CCDC3: variants seen among roughly 807,000 people sequenced by gnomAD.
CCDC3 encodes the protein coiled-coil domain containing 3, also known as coiled-coil domain-containing protein 3.
Under a neutral mutation model 21.4 loss-of-function variants are expected in CCDC3, and 24 were observed. The ratio of observed to expected loss-of-function variants is 1.12; its 90% CI spans 0.81 to 1.58. The LOEUF (loss-of-function observed/expected upper bound fraction) is 1.58, where lower values mean the gene tolerates loss of function less well. CCDC3 is among the 40% of genes most tolerant of loss of function. CCDC3 has a pLI of 0.00. For synonymous variants in CCDC3, 186 were observed against 166.0 expected (o/e 1.12, Z -0.93); for missense variants, 425 against 360.9 (o/e 1.18, Z -1.44).
chr10:12,978,475 A>G (rs909753444), intron 2 of CCDC3, among the ~76,000 whole-genome samples: 2 of 152,200 alleles, frequency 1.3e-5, no homozygotes, highest in African/African-American at 4.8e-5. Context: ...GTTTAGCAGA[A>G]CCTTGGGGTT....
chr10:13,037,441 T>C (rs1164377490), intron 5 of CCDC3, among the ~76,000 whole-genome samples: 1 of 152,194 alleles, frequency 6.6e-6, no homozygotes, highest in Admixed American at 6.5e-5. Context: ...TAAAATAATC[T>C]TTTTACCATA....
chr10:12,974,963 C>G (rs904555164), intron 2 of CCDC3, among the ~76,000 whole-genome samples: 1 of 152,154 alleles, frequency 6.6e-6, no homozygotes, highest in Non-Finnish European at 1.5e-5. Flanking sequence ...CTAACCCCTG[C>G]GAGGTAGGAA....
chr10:12,997,047 C>T (rs993733084), intron 2 of CCDC3, among the ~76,000 whole-genome samples: 1 of 152,012 alleles, frequency 6.6e-6, no homozygotes, highest in East Asian at 1.9e-4. Context: ...CGTCATAAAC[C>T]TACACACGTA....
rs542579926 is a variant in CCDC3 at position 13,030,804 on chromosome 10, A to T, written c.-2+18870T>A. ...CAACAAGAAGAGCTAACTATCCTAAATATATATGCACCCAATACAGGAGCA... is the reference window on the plus strand; with the variant it reads ...CAACAAGAAGAGCTAACTATCCTAATTATATATGCACCCAATACAGGAGCA... On this transcript the variant is annotated intron_variant, in intron 5 of 6. Transcript: ENST00000378839. Among the ~76,000 whole-genome samples the T allele has an allele frequency of 1.8e-4, 28 of 152,338 alleles. 2 individuals carry two copies. The highest frequency in any genetic ancestry group is 1.6e-3 in the Admixed American group (25 of 15,296).
intron 3 of CCDC3, among the ~76,000 whole-genome samples, chr10:13,091,310 TG>T (rs996269996): frequency 3.3e-5 from 5 of 152,150 alleles, no homozygotes; most frequent in Admixed American, 6.5e-5. Context: ...TGAAGCCTTT[TG>T]GGGGGTGATT....
intron 4 of CCDC3, among the ~76,000 whole-genome samples, chr10:13,057,253 C>T (rs1207926048): frequency 6.6e-6 from 1 of 151,996 alleles, no homozygotes; most frequent in Non-Finnish European, 1.5e-5. Context: ...GGTGGTACCA[C>T]TGCACTCCAG....
At chr10:12,968,584 C>G (rs186848320) in intron 2 of CCDC3, among the ~76,000 whole-genome samples, 1 of 152,258 alleles carries the variant, frequency 6.6e-6, no homozygotes, top group East Asian at 1.9e-4. Flanking sequence ...AAATTCAGAA[C>G]AGTCTAATAT....
intron 4 of CCDC3, among the ~76,000 whole-genome samples, chr10:13,052,900 C>T (rs547188329): frequency 8.6e-5 from 13 of 151,348 alleles, no homozygotes; most frequent in African/African-American, 2.9e-4. Flanking sequence ...TGTGATTGCA[C>T]CACTGCACTC....
At chr10:12,960,986 T>G (rs1213027856) in intron 2 of CCDC3, among the ~76,000 whole-genome samples, 1 of 152,054 alleles carries the variant, frequency 6.6e-6, no homozygotes, top group Non-Finnish European at 1.5e-5. Context: ...CAGTGGGAGA[T>G]AAAGTGGGCA....
chr10:13,011,201 C>G (rs945246358), intron 5 of CCDC3, among the ~76,000 whole-genome samples: 3 of 124,168 alleles, frequency 2.4e-5, no homozygotes, highest in African/African-American at 8.6e-5. Context: ...AAAAAAAAAA[C>G]CTGTGACAAA....
At chr10:13,057,494 T>C (rs544268518) in intron 4 of CCDC3, among the ~76,000 whole-genome samples, 49 of 152,254 alleles carry the variant, frequency 3.2e-4, no homozygotes, top group African/African-American at 1.1e-3. Flanking sequence ...AATCCATATG[T>C]TATAATTTCC....
At chr10:12,972,650 C>T (rs140801216) in intron 2 of CCDC3, among the ~76,000 whole-genome samples, 2 of 152,146 alleles carry the variant, frequency 1.3e-5, no homozygotes, top group African/African-American at 4.8e-5. Flanking sequence ...AACCCCGTCT[C>T]TACTAAAAAT....
chr10:13,028,996 A>C (rs1447869597), intron 5 of CCDC3, among the ~76,000 whole-genome samples: 1 of 152,168 alleles, frequency 6.6e-6, no homozygotes, highest in Non-Finnish European at 1.5e-5. Flanking sequence ...GAATGACCTG[A>C]CAGTGTGTGA....
At chr10:13,021,532 G>C (rs1214087578) in intron 5 of CCDC3, among the ~76,000 whole-genome samples, 1 of 152,212 alleles carries the variant, frequency 6.6e-6, no homozygotes, top group Non-Finnish European at 1.5e-5. Flanking sequence ...CTGCCCAGAG[G>C]TGCGGCTTCC....
chr10:12,928,797 T>C (rs1233939767), intron 2 of CCDC3, among the ~76,000 whole-genome samples: 1 of 152,088 alleles, frequency 6.6e-6, no homozygotes, highest in African/African-American at 2.4e-5. Flanking sequence ...GAAGCATCGT[T>C]CTCCTGTTCC....
chr10:12,973,571 A>G (rs1466221616), intron 2 of CCDC3, among the ~76,000 whole-genome samples: 2 of 152,206 alleles, frequency 1.3e-5, no homozygotes, highest in African/African-American at 4.8e-5. Context: ...GGTCATACGC[A>G]GTGATTACTG....
Position 13,001,652 on chromosome 10 carries a change from C to G in CCDC3, c.-82G>C. The G allele has an allele frequency of 2.1e-6, 2 of 946,442 alleles. No individual in the cohort carries two copies. The highest frequency in any genetic ancestry group is 2.6e-6 in the Non-Finnish European group (2 of 780,806). The allele number at this position is 946,442 out of a possible 1,614,324, so 58.6% of individuals were successfully genotyped here. ...CCCGGGAAGGGCAGCCCTGGGCGCT[C>G]GGCTGCTCGGGCCGCTCCCGGGAGC... On this transcript the variant is annotated 5_prime_UTR_variant, in exon 1 of 3. Coordinates refer to ENST00000378825, the MANE Select transcript of CCDC3 (RefSeq NM_031455.4).
At chr10:12,971,211 C>T (rs755586573) in intron 2 of CCDC3, among the ~76,000 whole-genome samples, 39 of 152,134 alleles carry the variant, frequency 2.6e-4, no homozygotes, top group Non-Finnish European at 4.7e-4. Context: ...AAGTAGCTGG[C>T]GTGAGCAGGA....
intron 4 of CCDC3, among the ~76,000 whole-genome samples, chr10:13,068,167 C>A (rs1836844192): frequency 6.6e-6 from 1 of 152,150 alleles, no homozygotes; most frequent in African/African-American, 2.4e-5. Context: ...CTCTCAAAAT[C>A]TGTTTTTGCC....
Sources: gnomAD v4.1 joint callset for allele counts (sites outside exome capture counted in the v4.1 genomes callset) on GRCh38, gnomAD v4.1.1 for gene constraint, MANE v1.5 for transcripts, NCBI Gene and HGNC (gene_info 2026-07-23, HGNC 2026-07-21) for gene names.